The following COL18A1 variants were observed in gnomAD, a reference collection of about 807,000 sequenced individuals.
COL18A1 encodes collagen alpha-1(XVIII) chain.
In COL18A1, 133 loss-of-function variants were observed where a neutral mutation model predicts 168.0. That is an observed-to-expected ratio of 0.79 (90% CI 0.69 to 0.91). The LOEUF is 0.91. COL18A1 is among the 40% of genes least tolerant of loss of function. The probability of loss-of-function intolerance (pLI) is 0.00; values close to 1 mark genes in which losing one functional copy is unlikely to be tolerated. For missense variants in COL18A1, 2,126 were observed against 1,925.4 expected (o/e 1.10, Z -1.95); for synonymous variants, 949 against 809.0 (o/e 1.17, Z -2.94).
chr21:45,437,512 GCACA>G (rs201264091), intron 2 of COL18A1, among the ~76,000 whole-genome samples: 2 of 24,628 alleles, frequency 8.1e-5, no homozygotes, highest in South Asian at 1.9e-3. Flanking sequence ...GCACTCTCCT[GCACA>G]CACACACTCA....
At position 45,489,526 on chromosome 21, in the gene COL18A1, G is replaced by A. The variant is rs1320740808; in HGVS notation, c.1959+5G>A. The A allele has an allele frequency of 1.5e-5, 24 of 1,592,830 alleles. No homozygotes were observed. Among genetic ancestry groups the A allele is most frequent in the Non-Finnish European group, 2.1e-5 (24 of 1,167,510 alleles). ...CCTGGGCTGCCGGGGGCGAAGGTAA[G>A]CGCTGTGCCCGGGTTCAGGGACGTG... On this transcript the variant is annotated splice_donor_5th_base_variant and intron_variant, in intron 19 of 41. Coordinates refer to ENST00000651438, the MANE Select transcript of COL18A1 (RefSeq NM_001379500.1).
intron 2 of COL18A1, chr21:45,408,146 G>A (rs1054931639): frequency 2.6e-5 from 4 of 152,250 alleles, no homozygotes; most frequent in Admixed American, 2.6e-4. Flanking sequence ...GGAAAACCTA[G>A]AAGGAGTGAA....
intron 37 of COL18A1, chr21:45,506,987 CA>C: frequency 7.2e-6 from 2 of 279,672 alleles, no homozygotes; most frequent in South Asian, 3.4e-5. Flanking sequence ...CACCCGGATG[CA>C]GCCCCATCCT....
At chr21:45,461,694 A>T (rs1471570136) in intron 2 of COL18A1, among the ~76,000 whole-genome samples, 2 of 152,126 alleles carry the variant, frequency 1.3e-5, no homozygotes, top group African/African-American at 4.8e-5. Flanking sequence ...GCTCCTATGA[A>T]TGTGACTTTT....
chr21:45,485,787 C>T (rs1686302252), intron 15 of COL18A1, among the ~76,000 whole-genome samples: 2 of 152,330 alleles, frequency 1.3e-5, no homozygotes, highest in South Asian at 4.1e-4. Context: ...ACATGGGAAG[C>T]AGGAAGGACC....
chr21:45,490,313 C>T lies in COL18A1; in HGVS notation c.1998C>T (p.Gly666=), dbSNP rs62000963. The T allele has an allele frequency of 6.5e-4, 1,026 of 1,588,902 alleles. 9 individuals are homozygous for T. In the African/African-American group the frequency reaches 0.012, roughly 19 times the overall value. The change falls in exon 20 of 42, where the codon GGC becomes GGT. Residue 666 remains glycine, a synonymous_variant. Coordinates refer to ENST00000651438, the MANE Select transcript of COL18A1 (RefSeq NM_001379500.1). The stretch of plus-strand genomic sequence containing the variant: ...CAGATGGAGTCCCCGGGTTCCCCGG[C>T]CTCCCTGGCAGAGAGGGCATTGCTG... The part of the protein sequence containing the change: ...VGADGVPGFP[G]LPGREGIAGP...
intron 2 of COL18A1, among the ~76,000 whole-genome samples, chr21:45,429,501 G>A (rs2033897144): frequency 6.6e-6 from 1 of 152,220 alleles, no homozygotes; most frequent in Admixed American, 6.5e-5. Flanking sequence ...TGTGCACCCA[G>A]CACCCAGGCT....
At chr21:45,509,238 C>T (rs2037427436) in intron 38 of COL18A1, 118 bp from the exon 39 acceptor site, 2 of 1,379,630 alleles carry the variant, frequency 1.4e-6, no homozygotes, top group East Asian at 2.5e-5. Flanking sequence ...GGGGGCGCAG[C>T]TCCCTGCTTG....
chr21:45,491,353 A>AC (rs775041257), intron 22 of COL18A1, 39 bp downstream of exon 22: 4 of 1,354,056 alleles, frequency 3.0e-6, no homozygotes, highest in African/African-American at 1.5e-5. Context: ...ATCTGTCCAG[A>AC]CCCCCCACGG....
At chr21:45,442,193 G>A (rs1053249586) in intron 2 of COL18A1, among the ~76,000 whole-genome samples, 5 of 152,136 alleles carry the variant, frequency 3.3e-5, no homozygotes, top group East Asian at 1.9e-4. Context: ...CTGGACACTG[G>A]CCATGACTGG....
At chr21:45,479,085 G>C (rs975433134) in intron 9 of COL18A1, among the ~76,000 whole-genome samples, 1 of 152,206 alleles carries the variant, frequency 6.6e-6, no homozygotes, top group Non-Finnish European at 1.5e-5. Context: ...ACGCGTGTGA[G>C]TGTGGGGTGA....
intron 28 of COL18A1, 55 bp downstream of exon 28, chr21:45,494,970 G>T: frequency 6.7e-7 from 1 of 1,492,428 alleles, no homozygotes; most frequent in Non-Finnish European, 9.2e-7. Flanking sequence ...CAGGTGGGGA[G>T]CAGCCCAGGC....
intron 17 of COL18A1, 117 bp downstream of exon 17, chr21:45,487,626 C>G: frequency 7.6e-7 from 1 of 1,321,902 alleles, no homozygotes; most frequent in South Asian, 1.2e-5. Context: ...CCCTGCAGAG[C>G]CGTGAGGACC....
At chr21:45,477,604 C>T in intron 7 of COL18A1, 117 bp downstream of exon 7, 1 of 1,290,870 alleles carries the variant, frequency 7.7e-7, no homozygotes, top group Non-Finnish European at 1.1e-6. Context: ...CCTTTGTGCC[C>T]AGCACTCGGT....
rs532078088 is a variant in COL18A1, at chr21:45,496,977, G to T, written c.2578-73G>T. 2.9e-6 allele frequency: 3 copies of T among 1,020,080 alleles called. No individual in the cohort carries two copies. The African/African-American group carries it at 4.7e-5, about 16-fold the overall frequency. The allele number at this position is 1,020,080 out of a possible 1,614,324, so 63.2% of individuals were successfully genotyped here. A position where few individuals can be genotyped will look rare whatever the true frequency, so the allele number is the denominator to read the frequency against. On this transcript the variant is annotated intron_variant, in intron 30 of 41. Transcript: ENST00000651438. ...ACAGGGGCTGGTGCTTCTGGGCTTGGGGACCCCTGAGTGGTGGTGGCCTCC... is the reference window on the plus strand; with the variant it reads ...ACAGGGGCTGGTGCTTCTGGGCTTGTGGACCCCTGAGTGGTGGTGGCCTCC...
chr21:45,466,223 G>A (rs756821482), intron 2 of COL18A1, among the ~76,000 whole-genome samples: 5 of 152,190 alleles, frequency 3.3e-5, no homozygotes, highest in African/African-American at 4.8e-5. Context: ...TGAGAACAGC[G>A]GAGAGTCCCA....
chr21:45,485,502 GA>G (rs11367202), intron 15 of COL18A1, among the ~76,000 whole-genome samples: 47,156 of 151,064 alleles, frequency 0.31, 7,459 homozygotes, highest in African/African-American at 0.38. Context: ...TGTCCAAAAA[GA>G]AAAAAAAATT....
chr21:45,437,768 G>GCA (rs753676705), intron 2 of COL18A1, among the ~76,000 whole-genome samples: 2 of 46,386 alleles, frequency 4.3e-5, no homozygotes, highest in African/African-American at 2.3e-4. Flanking sequence ...GCACTCTCCT[G>GCA]CACACACACA....
chr21:45,490,587 TC>T (rs1602536988), intron 20 of COL18A1, among the ~76,000 whole-genome samples: 4 of 142,380 alleles, frequency 2.8e-5, no homozygotes, highest in East Asian at 2.1e-4. Context: ...TCCCTGGGCC[TC>T]CGTGTGCCCT....
Sources: gnomAD v4.1 joint callset for allele counts (sites outside exome capture counted in the v4.1 genomes callset) on GRCh38, gnomAD v4.1.1 for gene constraint, MANE v1.5 for transcripts, NCBI Gene and HGNC (gene_info 2026-07-23, HGNC 2026-07-21) for gene names.